Variants in PPP1R1C observed in about 807,000 individuals in gnomAD.
PPP1R1C encodes the protein protein phosphatase 1 regulatory inhibitor subunit 1C.
In PPP1R1C, 15 loss-of-function variants were observed where a neutral mutation model predicts 17.4. The observed-to-expected ratio is 0.86, with a 90% CI of 0.58 to 1.33. The LOEUF is 1.33. PPP1R1C is among the 40% of genes most tolerant of loss of function. PPP1R1C has a pLI of 0.00. For synonymous variants in PPP1R1C, 35 were observed against 43.1 expected (o/e 0.81, Z 0.73); for missense variants, 143 against 130.0 (o/e 1.10, Z -0.48).
chr2:182,026,476 C>T (rs1278625149), intron 2 of PPP1R1C, among the ~76,000 whole-genome samples: 1 of 136,408 alleles, frequency 7.3e-6, no homozygotes, highest in African/African-American at 2.7e-5. Flanking sequence ...AATCCTTTCC[C>T]CATTGCTTGT....
In PPP1R1C at chr2:181,962,390, C is replaced by G. The variant is rs368358374; in HGVS notation, n.111+7756C>G. 2.5e-6 allele frequency: 2 copies of G among 796,446 alleles called. No homozygotes were observed. Among genetic ancestry groups the G allele is most frequent in the Non-Finnish European group, 2.1e-6 (1 of 470,868 alleles). 49.3% of individuals were successfully genotyped at this position (796,446 alleles called of 1,614,324 possible). On this transcript the variant is annotated intron_variant and non_coding_transcript_variant, in intron 1 of 5. Transcript: ENST00000464264. The surrounding 1 kb of genome is among the most constrained non-coding windows in gnomAD (Gnocchi z 6.0). Reference sequence around the variant, plus strand: ...GCCTGCATAGACGCTGGCCATGCAGCTGGCCGGCCGGGCGCCGTAGTTGGA... The same window carrying G: ...GCCTGCATAGACGCTGGCCATGCAGGTGGCCGGCCGGGCGCCGTAGTTGGA...
chr2:182,106,920 C>T (rs918915684), intron 4 of PPP1R1C, among the ~76,000 whole-genome samples: 1 of 152,106 alleles, frequency 6.6e-6, no homozygotes, highest in Non-Finnish European at 1.5e-5. Context: ...CAAGCCACAC[C>T]CCCACTGCAT....
intron 2 of PPP1R1C, among the ~76,000 whole-genome samples, chr2:181,990,586 T>A (rs757395464): frequency 5.3e-5 from 8 of 152,240 alleles, no homozygotes; most frequent in Non-Finnish European, 1.0e-4. Context: ...TATCATTAAC[T>A]GATGTGTTCG....
At chr2:182,062,830 C>G (rs972860313) in intron 3 of PPP1R1C, among the ~76,000 whole-genome samples, 1 of 152,008 alleles carries the variant, frequency 6.6e-6, no homozygotes, top group African/African-American at 2.4e-5. Flanking sequence ...GAACAATCTT[C>G]AAAAAGTATG....
At position 182,075,534 on chromosome 2, in the gene PPP1R1C, G is replaced by C. The variant is rs535336105; in HGVS notation, c.241+11743G>C. ...AGTAAGGCACAAGATGGCTGCAGGA[G>C]ATATGAGAGCAGGCTGCCTGATGAG... On this transcript the variant is annotated intron_variant, in intron 4 of 4. Transcript: ENST00000682840. Among the ~76,000 whole-genome samples the C allele has an allele frequency of 2.2e-4, 33 of 152,328 alleles. 1 individual carries two copies. Among genetic ancestry groups the C allele is most frequent in the African/African-American group, 7.5e-4 (31 of 41,584 alleles).
At chr2:182,002,927 A>ACCCCCCCCCCCCCCC (rs200353111) in intron 2 of PPP1R1C, among the ~76,000 whole-genome samples, 1 of 90,918 alleles carries the variant, frequency 1.1e-5, no homozygotes, top group Non-Finnish European at 2.2e-5. Context: ...GATGCCATAA[A>ACCCCCCCCCCCCCCC]CCTCCCCCCC....
Position 181,961,319 on chromosome 2 carries a change from C to T in PPP1R1C, n.111+6685C>T. ...TCCAGGGCATCACCAAGATTGAAGTCATCATCATCAAGCAGGCGGTGGTAG... is the reference window on the plus strand; with the variant it reads ...TCCAGGGCATCACCAAGATTGAAGTTATCATCATCAAGCAGGCGGTGGTAG... On this transcript the variant is annotated intron_variant and non_coding_transcript_variant, in intron 1 of 5. Transcript: ENST00000464264. The surrounding 1 kb of genome is among the most constrained non-coding windows in gnomAD (Gnocchi z 5.8). 1 of 730,726 alleles carries T rather than the reference C, an allele frequency of 1.4e-6. No individual in the cohort carries two copies. The highest frequency in any genetic ancestry group is 1.4e-5 in the South Asian group (1 of 70,060). The allele number at this position is 730,726 out of a possible 1,614,324, so 45.3% of individuals were successfully genotyped here.
chr2:182,047,876 A>C (rs1687391717), intron 2 of PPP1R1C, among the ~76,000 whole-genome samples: 3 of 152,158 alleles, frequency 2.0e-5, no homozygotes, highest in Admixed American at 1.3e-4. Flanking sequence ...TCCAACCTGA[A>C]TCATGAGATA....
intron 4 of PPP1R1C, among the ~76,000 whole-genome samples, chr2:182,115,358 C>A (rs537759576): frequency 6.6e-6 from 1 of 152,094 alleles, no homozygotes. Flanking sequence ...CTCATTCATA[C>A]CCTCATTAAT....
chr2:182,090,374 C>A (rs1688748726), intron 4 of PPP1R1C, among the ~76,000 whole-genome samples: 1 of 151,036 alleles, frequency 6.6e-6, no homozygotes, highest in South Asian at 2.1e-4. Context: ...AGAGATGAAG[C>A]TGTGTAGTTC....
intron 2 of PPP1R1C, among the ~76,000 whole-genome samples, chr2:182,060,692 A>C (rs991404399): frequency 1.3e-5 from 2 of 152,112 alleles, no homozygotes; most frequent in African/African-American, 4.8e-5. Flanking sequence ...CTTCTCATTC[A>C]GTTTTTGGAT....
At chr2:182,116,147 T>A (rs562312277) in intron 4 of PPP1R1C, among the ~76,000 whole-genome samples, 1 of 152,198 alleles carries the variant, frequency 6.6e-6, no homozygotes, top group African/African-American at 2.4e-5. Flanking sequence ...TAGATTATTG[T>A]GGAACTGCCA....
intron 2 of PPP1R1C, among the ~76,000 whole-genome samples, chr2:182,015,163 A>T (rs552621610): frequency 6.6e-6 from 1 of 152,104 alleles, no homozygotes; most frequent in Non-Finnish European, 1.5e-5. Context: ...CTCATCTTGA[A>T]TTGTAGCTTC....
At chr2:182,110,339 A>T in intron 4 of PPP1R1C, among the ~76,000 whole-genome samples, 1 of 152,214 alleles carries the variant, frequency 6.6e-6, no homozygotes. Context: ...AAAAACTGAT[A>T]TATAAAACCA....
intron 5 of PPP1R1C, among the ~76,000 whole-genome samples, chr2:182,127,850 T>C (rs1458548881): frequency 1.3e-5 from 2 of 152,044 alleles, no homozygotes; most frequent in Non-Finnish European, 2.9e-5. Context: ...TTTGGGATTT[T>C]CTTCTTCCTT....
chr2:182,118,913 T>C (rs1315410430), downstream of PPP1R1C, among the ~76,000 whole-genome samples: 2 of 151,950 alleles, frequency 1.3e-5, no homozygotes, highest in African/African-American at 4.8e-5. Flanking sequence ...TCTTTTTTTT[T>C]TAAATTATAC....
intron 2 of PPP1R1C, among the ~76,000 whole-genome samples, chr2:182,024,570 A>C (rs746029034): frequency 3.9e-5 from 6 of 152,160 alleles, no homozygotes; most frequent in African/African-American, 1.2e-4. Context: ...TTTGTTCATT[A>C]AATTGAAGAA....
intron 4 of PPP1R1C, among the ~76,000 whole-genome samples, chr2:182,069,715 A>C (rs1688088007): frequency 6.6e-6 from 1 of 152,196 alleles, no homozygotes; most frequent in Non-Finnish European, 1.5e-5. Context: ...TATATATGTT[A>C]ACCTATTTTA....
intron 4 of PPP1R1C, among the ~76,000 whole-genome samples, chr2:182,110,234 T>A (rs1258285640): frequency 2.6e-5 from 4 of 152,094 alleles, no homozygotes; most frequent in Non-Finnish European, 5.9e-5. Context: ...TACTCCGTAT[T>A]TATATTAAAA....
Sources: allele counts gnomAD v4.1 joint callset (sites outside exome capture counted in the v4.1 genomes callset), GRCh38; gene constraint gnomAD v4.1.1; non-coding constraint Gnocchi (gnomAD v3.1); transcripts MANE v1.5; gene names NCBI Gene and HGNC (gene_info 2026-07-23, HGNC 2026-07-21).